Variants in RAB3GAP1 observed in about 807,000 individuals in gnomAD.
The protein encoded by RAB3GAP1 is RAB3 GTPase activating protein catalytic subunit 1, also known as rab3 GTPase-activating protein catalytic subunit.
A neutral mutation model predicts 130.7 loss-of-function variants in RAB3GAP1; 86 were observed. The observed-to-expected ratio is 0.66, with a 90% CI of 0.55 to 0.79. RAB3GAP1 has a LOEUF of 0.79. Ranked by LOEUF, RAB3GAP1 falls within the 30% of genes least tolerant of loss-of-function variation. RAB3GAP1 has a pLI of 0.00. For missense variants in RAB3GAP1, 1,029 were observed against 1,169.4 expected (o/e 0.88, Z 1.75); for synonymous variants, 367 against 401.7 (o/e 0.91, Z 1.03).
chr2:135,121,578 G>A (rs192251873), intron 8 of RAB3GAP1, among the ~76,000 whole-genome samples: 157 of 152,156 alleles, frequency 1.0e-3, no homozygotes, highest in Non-Finnish European at 3.2e-4. Flanking sequence ...TGATTCCTGG[G>A]TGTTTCTTTC....
At chr2:135,077,992 G>A (rs1327550320) in intron 3 of RAB3GAP1, among the ~76,000 whole-genome samples, 1 of 151,952 alleles carries the variant, frequency 6.6e-6, no homozygotes, top group Non-Finnish European at 1.5e-5. Flanking sequence ...CCCATTCATG[G>A]GTTGCCTTTT....
At chr2:135,134,086 ATT>A in intron 15 of RAB3GAP1, 53 bp downstream of exon 15, 1 of 1,603,196 alleles carries the variant, frequency 6.2e-7, no homozygotes, top group African/African-American at 1.3e-5. Flanking sequence ...GTTAGCAGAC[ATT>A]TGACTTTTGA....
intron 17 of RAB3GAP1, among the ~76,000 whole-genome samples, chr2:135,149,913 T>C (rs1207651341): frequency 1.3e-5 from 2 of 152,202 alleles, no homozygotes; most frequent in Admixed American, 6.5e-5. Context: ...CGCCTTGGCT[T>C]CCCAAAGTGC....
chr2:135,151,290 G>A (rs1347860236), intron 18 of RAB3GAP1, among the ~76,000 whole-genome samples: 1 of 152,182 alleles, frequency 6.6e-6, no homozygotes, highest in Non-Finnish European at 1.5e-5. Context: ...ATCCCCAGGC[G>A]CAGACTTCCC....
At chr2:135,089,896 T>G in intron 3 of RAB3GAP1, 1 of 353,352 alleles carries the variant, frequency 2.8e-6, no homozygotes, top group Non-Finnish European at 5.7e-6. Context: ...TGAGAACACG[T>G]GGACACAGGG....
chr2:135,069,657 G>A (rs1458013361), intron 3 of RAB3GAP1, among the ~76,000 whole-genome samples: 2 of 152,096 alleles, frequency 1.3e-5, no homozygotes, highest in Non-Finnish European at 2.9e-5. Flanking sequence ...TGTCATAAAA[G>A]ATTCTTCATC....
intron 3 of RAB3GAP1, among the ~76,000 whole-genome samples, chr2:135,082,751 C>G (rs1279326673): frequency 6.6e-6 from 1 of 151,904 alleles, no homozygotes; most frequent in Non-Finnish European, 1.5e-5. Context: ...AATATGTACA[C>G]TTTTGTAACT....
At chr2:135,082,693 G>A (rs1379847583) in intron 3 of RAB3GAP1, among the ~76,000 whole-genome samples, 1 of 151,646 alleles carries the variant, frequency 6.6e-6, no homozygotes, top group African/African-American at 2.4e-5. Flanking sequence ...CACCTGCCTC[G>A]GCCTCCCAAA....
Position 135,103,161 on chromosome 2 carries a change from C to T in RAB3GAP1, c.362+9468C>T, listed in dbSNP as rs527487802. Among the ~76,000 whole-genome samples, 21 of 149,642 alleles carry T rather than the reference C, an allele frequency of 1.4e-4. No individual in the cohort carries two copies. In the South Asian group the frequency reaches 4.3e-3, roughly 31 times the overall value. ...AAGCAGTTCTCCTGCCTCAGCCTCC[C>T]GAGTAGATGGGATTACAGGCATATG... On this transcript the variant is annotated intron_variant, in intron 5 of 23. Coordinates refer to ENST00000264158, the MANE Select transcript of RAB3GAP1 (RefSeq NM_012233.3).
At chr2:135,079,135 C>T (rs567211796) in intron 3 of RAB3GAP1, among the ~76,000 whole-genome samples, 1 of 152,270 alleles carries the variant, frequency 6.6e-6, no homozygotes, top group Non-Finnish European at 1.5e-5. Flanking sequence ...TCCCACAGTG[C>T]TGGGATTACA....
chr2:135,061,630 A>C (rs929465710), intron 3 of RAB3GAP1, among the ~76,000 whole-genome samples: 4 of 152,114 alleles, frequency 2.6e-5, no homozygotes, highest in African/African-American at 9.6e-5. Flanking sequence ...TATCCATTTT[A>C]AAAATTGGAT....
intron 3 of RAB3GAP1, among the ~76,000 whole-genome samples, chr2:135,078,030 C>T (rs1689679835): frequency 6.6e-6 from 1 of 152,118 alleles, no homozygotes; most frequent in Admixed American, 6.6e-5. Flanking sequence ...ACTTGATGCA[C>T]AAAAGTTTTT....
intron 5 of RAB3GAP1, among the ~76,000 whole-genome samples, chr2:135,109,242 T>C (rs1234479015): frequency 1.3e-5 from 2 of 152,102 alleles, no homozygotes; most frequent in East Asian, 1.9e-4. Context: ...TGAGATTGCA[T>C]TGAATCTGTA....
At chr2:135,107,408 CAA>C (rs1195022789) in intron 5 of RAB3GAP1, among the ~76,000 whole-genome samples, 2 of 150,690 alleles carry the variant, frequency 1.3e-5, no homozygotes, top group Non-Finnish European at 2.9e-5. Flanking sequence ...ATATATATGA[CAA>C]TATTGCACAA....
intron 11 of RAB3GAP1, among the ~76,000 whole-genome samples, chr2:135,127,729 A>G (rs1181180373): frequency 6.6e-6 from 1 of 152,216 alleles, no homozygotes; most frequent in Admixed American, 6.5e-5. Flanking sequence ...ATGGGAAAAG[A>G]AATGTGAATA....
chr2:135,098,188 GTTGT>G (rs1690354291), intron 5 of RAB3GAP1, among the ~76,000 whole-genome samples: 1 of 151,934 alleles, frequency 6.6e-6, no homozygotes, highest in Admixed American at 6.6e-5. Flanking sequence ...TTTTAATTGG[GTTGT>G]TTGTTTTCTT....
intron 3 of RAB3GAP1, among the ~76,000 whole-genome samples, chr2:135,087,040 T>G (rs188791679): frequency 6.6e-6 from 1 of 152,348 alleles, no homozygotes; most frequent in Admixed American, 6.5e-5. Context: ...CTATTTTTAA[T>G]TTTATTGTTA....
intron 5 of RAB3GAP1, among the ~76,000 whole-genome samples, chr2:135,111,047 T>C (rs914137867): frequency 6.6e-5 from 10 of 152,214 alleles, no homozygotes; most frequent in African/African-American, 2.4e-4. Flanking sequence ...TTCATTATTT[T>C]ATGCTGCCTC....
At chr2:135,154,195 A>T (rs1692248303) in intron 19 of RAB3GAP1, among the ~76,000 whole-genome samples, 1 of 152,228 alleles carries the variant, frequency 6.6e-6, no homozygotes, top group African/African-American at 2.4e-5. Context: ...AATAATGAGA[A>T]ATATACAAAG....
Sources: gnomAD v4.1 joint callset for allele counts (sites outside exome capture counted in the v4.1 genomes callset) on GRCh38, gnomAD v4.1.1 for gene constraint, MANE v1.5 for transcripts, NCBI Gene and HGNC (gene_info 2026-07-23, HGNC 2026-07-21) for gene names.